The following PTPN22 variants were observed in gnomAD, a reference collection of about 807,000 sequenced individuals.
The protein encoded by PTPN22 is tyrosine-protein phosphatase non-receptor type 22.
PTPN22 carries 85 observed loss-of-function variants against 103.3 expected under a neutral mutation model. The ratio of observed to expected loss-of-function variants is 0.82; its 90% confidence interval spans 0.69 to 0.99. The LOEUF (loss-of-function observed/expected upper bound fraction) is 0.99, where lower values mean the gene tolerates loss of function less well. Ranked by LOEUF, PTPN22 falls within the 50% of genes least tolerant of loss-of-function variation. PTPN22 has a pLI of 0.00. For missense variants in PTPN22, 865 were observed against 936.9 expected, an observed-to-expected ratio of 0.92 and a Z score of 1.00; for synonymous variants, 323 against 310.2, an observed-to-expected ratio of 1.04 and a Z score of -0.43.
chr1:113,842,582 G>A (rs1402205539), intron 11 of PTPN22, among the ~76,000 whole-genome samples: 1 of 152,140 alleles, frequency 6.6e-6, no homozygotes, highest in Non-Finnish European at 1.5e-5. Flanking sequence ...GCTGAGGCAG[G>A]AGAATCGCTT....
chr1:113,826,712 C>T (rs1475910356), intron 18 of PTPN22, among the ~76,000 whole-genome samples: 10 of 134,396 alleles, frequency 7.4e-5, no homozygotes, highest in African/African-American at 2.8e-4. Flanking sequence ...CTCTGTCGCC[C>T]AGGCTGGAGT....
intron 5 of PTPN22, 135 bp downstream of exon 5, chr1:113,857,603 C>T (rs774901713): frequency 4.2e-6 from 3 of 716,608 alleles, no homozygotes; most frequent in Admixed American, 2.8e-5. Flanking sequence ...AATCACGTGG[C>T]ATTCCCAAAC....
chr1:113,867,261 C>G (rs1666197906), intron 1 of PTPN22, among the ~76,000 whole-genome samples: 1 of 152,120 alleles, frequency 6.6e-6, no homozygotes, highest in Non-Finnish European at 1.5e-5. Context: ...AAAACTAGGT[C>G]CTTTGAGAGA....
chr1:113,830,168 G>T, intron 16 of PTPN22, 139 bp from the exon 17 acceptor site: 1 of 677,724 alleles, frequency 1.5e-6, no homozygotes, highest in South Asian at 2.2e-5. Context: ...TCTGAAAAAT[G>T]ACTGGAGCCT....
chr1:113,828,922 A>C (rs7537604), intron 18 of PTPN22, among the ~76,000 whole-genome samples: 3,578 of 152,330 alleles, frequency 0.023, 147 homozygotes, highest in African/African-American at 0.081. Flanking sequence ...GGCATGAGCC[A>C]CCATGCTGGG....
chr1:113,835,466 C>T (rs1662916136), intron 13 of PTPN22, among the ~76,000 whole-genome samples: 2 of 151,952 alleles, frequency 1.3e-5, no homozygotes, highest in South Asian at 2.1e-4. Context: ...TGCAGTGAGC[C>T]GAGATTGCAC....
intron 11 of PTPN22, among the ~76,000 whole-genome samples, chr1:113,845,543 T>C (rs1166030829): frequency 6.6e-6 from 1 of 152,204 alleles, no homozygotes; most frequent in Admixed American, 6.5e-5. Flanking sequence ...TTTCAGATTT[T>C]TATGGCTCAG....
rs570827461 is a variant in PTPN22 at position 113,862,084 on chromosome 1, G to A, written c.88-2624C>T. Among the ~76,000 whole-genome samples, 16 of 151,992 alleles carry A rather than the reference G, an allele frequency of 1.1e-4. No homozygotes were observed. In the East Asian group the frequency reaches 3.1e-3, roughly 30 times the overall value. On this transcript the variant is annotated intron_variant, in intron 1 of 20. Transcript: ENST00000359785. The stretch of plus-strand genomic sequence containing the variant: ...TCACTAGGTCAGGAGTTCGAGACCA[G>A]CCTGGCCAGCATAGTGAAACCCCGT...
At chr1:113,859,217 T>G in intron 2 of PTPN22, 135 bp downstream of exon 2, 1 of 1,549,112 alleles carries the variant, frequency 6.5e-7, no homozygotes, top group Non-Finnish European at 8.7e-7. Context: ...AATATTCTTT[T>G]GCAGTCATAA....
chr1:113,869,075 G>A (rs1423792602), intron 1 of PTPN22, among the ~76,000 whole-genome samples: 2 of 152,100 alleles, frequency 1.3e-5, no homozygotes, highest in Non-Finnish European at 2.9e-5. Context: ...AATTAGCCAG[G>A]CGTGGTGGCT....
At chr1:113,817,688 C>A (rs757968015) in intron 20 of PTPN22, among the ~76,000 whole-genome samples, 1 of 152,080 alleles carries the variant, frequency 6.6e-6, no homozygotes, top group Non-Finnish European at 1.5e-5. Context: ...CCCAAGTAAT[C>A]CTCCCTCCTC....
intron 14 of PTPN22, 86 bp downstream of exon 14, chr1:113,834,824 A>G: frequency 9.0e-7 from 1 of 1,109,924 alleles, no homozygotes. Flanking sequence ...AGGCTCACAC[A>G]TCAGCTTCCC....
intron 4 of PTPN22, 78 bp downstream of exon 4, chr1:113,858,400 G>T (rs915297198): frequency 9.9e-6 from 10 of 1,011,208 alleles, no homozygotes; most frequent in African/African-American, 6.6e-5. Flanking sequence ...GAACCCTGAA[G>T]TTCCACTGAC....
intron 19 of PTPN22, among the ~76,000 whole-genome samples, chr1:113,820,336 T>C (rs1180820655): frequency 1.3e-5 from 2 of 152,062 alleles, no homozygotes; most frequent in African/African-American, 4.8e-5. Flanking sequence ...TGCAAATCTC[T>C]AATCCCAGCT....
At chr1:113,834,546 T>A in intron 14 of PTPN22, 107 bp from the exon 15 acceptor site, 1 of 1,164,388 alleles carries the variant, frequency 8.6e-7, no homozygotes, top group Non-Finnish European at 1.2e-6. Flanking sequence ...TGAGAAGTAA[T>A]CTAGTTAATT....
intron 5 of PTPN22, 40 bp downstream of exon 5, chr1:113,857,698 C>T: frequency 6.3e-7 from 1 of 1,576,182 alleles, no homozygotes; most frequent in Admixed American, 1.7e-5. Flanking sequence ...TTTCTTCTTT[C>T]CTTTGTTTTA....
chr1:113,828,572 A>G (rs978388300), intron 18 of PTPN22, among the ~76,000 whole-genome samples: 17 of 152,124 alleles, frequency 1.1e-4, no homozygotes, highest in African/African-American at 3.9e-4. Context: ...ATATATTTGG[A>G]TCTATTTCAG....
At chr1:113,835,241 G>A (rs896673834) in intron 13 of PTPN22, among the ~76,000 whole-genome samples, 2 of 152,154 alleles carry the variant, frequency 1.3e-5, no homozygotes. Flanking sequence ...AAGTAGGGCT[G>A]GGCGCGGTGG....
chr1:113,830,325 G>A (rs968320777), intron 16 of PTPN22, among the ~76,000 whole-genome samples: 45 of 151,976 alleles, frequency 3.0e-4, no homozygotes, highest in African/African-American at 1.0e-3. Flanking sequence ...ATGAAATATT[G>A]GGCATAGAGG....
Sources: allele counts gnomAD v4.1 joint callset (sites outside exome capture counted in the v4.1 genomes callset), GRCh38; gene constraint gnomAD v4.1.1; transcripts MANE v1.5; gene names NCBI Gene and HGNC (gene_info 2026-07-23, HGNC 2026-07-21).